Variants in HIVEP2 observed in about 807,000 individuals in gnomAD.
HIVEP2 encodes the protein HIVEP zinc finger 2.
In HIVEP2, 14 loss-of-function variants were observed where a neutral mutation model predicts 180.7. The observed-to-expected ratio is 0.08, with a 90% CI of 0.05 to 0.12. The LOEUF is 0.12. Ranked by LOEUF, HIVEP2 falls within the 10% of genes least tolerant of loss-of-function variation. The pLI is 1.00. For synonymous variants in HIVEP2, 1,184 were observed against 1,136.4 expected (o/e 1.04, Z -0.84); for missense variants, 2,579 against 3,008.5 (o/e 0.86, Z 3.34).
At chr6:142,870,775 AGAATTGAGGGAACCAGGACAG>A (rs1582928982) in intron 1 of HIVEP2, among the ~76,000 whole-genome samples, 1 of 152,318 alleles carries the variant, frequency 6.6e-6, no homozygotes, top group East Asian at 1.9e-4. Flanking sequence ...TCACAAAGCT[AGAATTGAGGGAACCAGGACAG>A]GAGGCAAGCC....
At chr6:142,860,808 A>C (rs1425531029) in intron 1 of HIVEP2, among the ~76,000 whole-genome samples, 1 of 152,214 alleles carries the variant, frequency 6.6e-6, no homozygotes, top group Non-Finnish European at 1.5e-5. Flanking sequence ...TAGCCCAGGT[A>C]CTGGGACCCC....
chr6:142,771,855 C>A lies in HIVEP2; in HGVS notation c.2884G>T (p.Gly962Cys). 6.2e-7 allele frequency: 1 copy of A among 1,614,216 alleles called. No individual in the cohort carries two copies. Among genetic ancestry groups the A allele is most frequent in the East Asian group, 2.2e-5 (1 of 44,880 alleles). The part of the protein sequence containing the change: ...GESSFESTGT[G>C]LSRSPSQESN... ...TCTTGGCTGGGGCTGCGGGAGAGGCCTGTGCCTGTGGATTCAAAGCTGGAC... is the reference window on the plus strand; with the variant it reads ...TCTTGGCTGGGGCTGCGGGAGAGGCATGTGCCTGTGGATTCAAAGCTGGAC... The change falls in exon 5 of 10, where the codon GGC becomes TGC. Residue 962 changes from glycine (G) to cysteine (C), a missense_variant. Around this residue, in one of 11 missense-constraint regions of HIVEP2, gnomAD observed 523 missense variants for 577.0 expected, o/e 0.91. Coordinates refer to ENST00000367603, the MANE Select transcript of HIVEP2 (RefSeq NM_006734.4). This position sits in a 1 kb window ranked among gnomAD's most constrained non-coding sequence, Gnocchi z 5.4.
intron 1 of HIVEP2, among the ~76,000 whole-genome samples, chr6:142,924,427 T>C (rs900353959): frequency 6.6e-6 from 1 of 152,220 alleles, no homozygotes; most frequent in African/African-American, 2.4e-5. Context: ...ATGTAGTTCA[T>C]TGGAAAAGGC....
chr6:142,793,648 C>CTTT (rs1345352201), intron 2 of HIVEP2, among the ~76,000 whole-genome samples: 869 of 36,868 alleles, frequency 0.024, 6 homozygotes, highest in East Asian at 0.029. Context: ...TTCTTTCTTT[C>CTTT]TTTCTTTCTT....
chr6:142,778,530 T>C (rs571182059), intron 3 of HIVEP2, among the ~76,000 whole-genome samples: 2 of 152,378 alleles, frequency 1.3e-5, no homozygotes, highest in African/African-American at 4.8e-5. Context: ...TAATATTTTA[T>C]CATGGTATTG....
chr6:142,774,747 A>T lies in HIVEP2; in HGVS notation c.-9T>A, dbSNP rs1432751425. On this transcript the variant is annotated 5_prime_UTR_variant, in exon 5 of 10. Coordinates refer to ENST00000367603, the MANE Select transcript of HIVEP2 (RefSeq NM_006734.4). The surrounding 1 kb of genome is among the most constrained non-coding windows in gnomAD (Gnocchi z 5.1). ...GTGTCCCCAGTGTCCATTTTGTTAC[A>T]CAAGGTCTTAAGTGCTAGTTCCCCT... is the stretch of plus-strand genomic sequence containing the variant. 2.5e-6 allele frequency: 4 copies of T among 1,612,266 alleles called. No homozygotes were observed. Among genetic ancestry groups the T allele is most frequent in the Non-Finnish European group, 3.4e-6 (4 of 1,179,022 alleles).
At chr6:142,830,288 C>T (rs374475891) in intron 2 of HIVEP2, among the ~76,000 whole-genome samples, 61 of 152,162 alleles carry the variant, frequency 4.0e-4, no homozygotes, top group African/African-American at 1.4e-3. Flanking sequence ...CATGTGTTTG[C>T]GCGTTCCCTA....
At chr6:142,843,359 A>G (rs1463078808) in intron 1 of HIVEP2, among the ~76,000 whole-genome samples, 1 of 152,204 alleles carries the variant, frequency 6.6e-6, no homozygotes, top group African/African-American at 2.4e-5. Context: ...CTAATACAGA[A>G]AAAAAGTATG....
At position 142,770,586 on chromosome 6, in the gene HIVEP2, G is replaced by C; in HGVS notation, c.4153C>G (p.Gln1385Glu). 6.2e-7 allele frequency: 1 copy of C among 1,614,224 alleles called. No individual in the cohort carries two copies. Among genetic ancestry groups the C allele is most frequent in the Non-Finnish European group, 8.5e-7 (1 of 1,180,046 alleles). ...TGGGCAATGTTGAATCCTATCCCTT[G>C]CATGGCTGCGTTGGTGACCAGTGTC... Reference protein sequence around the residue: ...QRTLVTNAAMQGIGFNIAQVL... With the variant: ...QRTLVTNAAMEGIGFNIAQVL... The change falls in exon 5 of 10, where the codon CAA becomes GAA. Residue 1385 changes from glutamine (Q) to glutamate (E), a missense_variant. By Grantham distance (29) the Gln-to-Glu change is conservative. Transcript: ENST00000367603. This position sits in a 1 kb window ranked among gnomAD's most constrained non-coding sequence, Gnocchi z 4.7.
intron 2 of HIVEP2, among the ~76,000 whole-genome samples, chr6:142,806,034 C>T (rs535342072): frequency 4.2e-4 from 64 of 152,252 alleles, no homozygotes; most frequent in Non-Finnish European, 4.0e-4. Context: ...CATTAACTAA[C>T]ATCTTCGTCT....
intron 2 of HIVEP2, among the ~76,000 whole-genome samples, chr6:142,790,721 G>A (rs901162120): frequency 6.6e-6 from 1 of 152,130 alleles, no homozygotes; most frequent in Non-Finnish European, 1.5e-5. Flanking sequence ...AGAGAACAGA[G>A]AAATCAAATC....
chr6:142,883,954 GAC>G (rs1339413398), intron 1 of HIVEP2, among the ~76,000 whole-genome samples: 1 of 152,100 alleles, frequency 6.6e-6, no homozygotes, highest in African/African-American at 2.4e-5. Context: ...CATTTATAGT[GAC>G]AGTCATTTTT....
Position 142,773,017 on chromosome 6 carries a change from G to T in HIVEP2, c.1722C>A (p.Asp574Glu), listed in dbSNP as rs559329860. The T allele has an allele frequency of 5.6e-6, 9 of 1,613,998 alleles. No individual in the cohort carries two copies. In the Admixed American group the frequency reaches 1.0e-4, roughly 18 times the overall value. ...CCACGGTCCCTGGATAGAATACATC[G>T]TCGGAACCAGTCATCCTTTCATCAA... ...HSFDERMTGS[D>E]DVFYPGTVGI... Residue 574 changes from aspartate (D) to glutamate (E), a missense_variant, in exon 5 of 10, where the codon GAC (aspartate) becomes GAA (glutamate). Physicochemically the swap from Asp to Glu is conservative, Grantham distance 45 (BLOSUM62 2). This residue lies in a region of HIVEP2 where 524 missense variants were observed against 563.6 expected (regional missense o/e 0.93). Coordinates refer to ENST00000367603, the MANE Select transcript of HIVEP2 (RefSeq NM_006734.4).
chr6:142,877,004 G>A (rs971197298), intron 1 of HIVEP2, among the ~76,000 whole-genome samples: 4 of 152,166 alleles, frequency 2.6e-5, no homozygotes, highest in Admixed American at 1.3e-4. Context: ...AGCTGAGATC[G>A]CACCACTGCA....
intron 1 of HIVEP2, among the ~76,000 whole-genome samples, chr6:142,907,642 C>G (rs998829238): frequency 2.0e-5 from 3 of 152,164 alleles, no homozygotes; most frequent in African/African-American, 7.2e-5. Flanking sequence ...TTTTGGGGCT[C>G]TCGATTCATG....
intron 2 of HIVEP2, among the ~76,000 whole-genome samples, chr6:142,809,874 A>C (rs910363519): frequency 6.6e-6 from 1 of 152,192 alleles, no homozygotes; most frequent in African/African-American, 2.4e-5. Flanking sequence ...GATTACAGGC[A>C]TGAGCCACTG....
rs573785133 is a variant in HIVEP2, at chr6:142,762,072, T to C, written c.5519-507A>G. 2.6e-5 allele frequency among the ~76,000 whole-genome samples: 4 copies of C among 152,266 alleles called. No homozygotes were observed. In the South Asian group the frequency reaches 8.3e-4, roughly 32 times the overall value. ...CTTCACCATTCAGAAGAAAAATACA[T>C]ACAAACTAATGTGAGGGCCAACCTT... On this transcript the variant is annotated intron_variant, in intron 7 of 9. Transcript: ENST00000367603.
At chr6:142,812,447 A>G (rs1776722757) in intron 2 of HIVEP2, among the ~76,000 whole-genome samples, 1 of 152,198 alleles carries the variant, frequency 6.6e-6, no homozygotes, top group Non-Finnish European at 1.5e-5. Context: ...GTCCTACCTA[A>G]CAAAGCTTTT....
At chr6:142,945,411 C>T (rs1207378214), upstream of HIVEP2, among the ~76,000 whole-genome samples, 2 of 152,210 alleles carry the variant, frequency 1.3e-5, no homozygotes, top group Non-Finnish European at 2.9e-5. The surrounding 1 kb of genome is among the most constrained non-coding windows in gnomAD (Gnocchi z 5.5). Context: ...CGGAGTTCGG[C>T]GGCGGCGATT....
Sources: allele counts gnomAD v4.1 joint callset (sites outside exome capture counted in the v4.1 genomes callset), GRCh38; gene constraint gnomAD v4.1.1; regional missense constraint gnomAD v4.1.1; non-coding constraint Gnocchi (gnomAD v3.1); transcripts MANE v1.5; gene names NCBI Gene and HGNC (gene_info 2026-07-23, HGNC 2026-07-21).